NTNG1: variants seen among roughly 807,000 people sequenced by gnomAD.
NTNG1 encodes the protein netrin-G1.
NTNG1 carries 16 observed loss-of-function variants against 54.0 expected under a neutral mutation model. That is an observed-to-expected ratio of 0.30 (90% confidence interval 0.20 to 0.45). The LOEUF (loss-of-function observed/expected upper bound fraction) is 0.45, where lower values mean the gene tolerates loss of function less well. NTNG1 is among the 20% of genes least tolerant of loss of function. The probability of loss-of-function intolerance (pLI) is 1.00; values close to 1 mark genes in which losing one functional copy is unlikely to be tolerated. For missense variants in NTNG1, 530 were observed against 678.7 expected, an observed-to-expected ratio of 0.78 and a Z score of 2.43; for synonymous variants, 255 against 263.1, an observed-to-expected ratio of 0.97 and a Z score of 0.30.
At chr1:107,163,777 C>G (rs980140407) in intron 2 of NTNG1, among the ~76,000 whole-genome samples, 1 of 151,920 alleles carries the variant, frequency 6.6e-6, no homozygotes, top group Non-Finnish European at 1.5e-5. Context: ...TTTCTGAAAA[C>G]AAAGAAAGCT....
At chr1:107,209,669 C>T (rs1177537153) in intron 2 of NTNG1, among the ~76,000 whole-genome samples, 1 of 152,150 alleles carries the variant, frequency 6.6e-6, no homozygotes, top group East Asian at 1.9e-4. Context: ...AAGGTATTCC[C>T]CTAGAATTTT....
chr1:107,460,102 A>C (rs1259787497), intron 7 of NTNG1, among the ~76,000 whole-genome samples: 1 of 152,206 alleles, frequency 6.6e-6, no homozygotes, highest in Non-Finnish European at 1.5e-5. Flanking sequence ...TCTAGAAAAC[A>C]GTTCTCAGTG....
intron 3 of NTNG1, among the ~76,000 whole-genome samples, chr1:107,378,578 A>G (rs1238308608): frequency 6.6e-6 from 1 of 152,192 alleles, no homozygotes; most frequent in Non-Finnish European, 1.5e-5. Flanking sequence ...TGAGTTTGTT[A>G]AACCTGACTC....
intron 2 of NTNG1, among the ~76,000 whole-genome samples, chr1:107,191,992 G>A (rs997370734): frequency 3.9e-5 from 6 of 152,076 alleles, no homozygotes; most frequent in Admixed American, 1.3e-4. Context: ...GATGGGGATG[G>A]CATTGAATCA....
chr1:107,471,877 T>G (rs1395172484), intron 7 of NTNG1, among the ~76,000 whole-genome samples: 1 of 152,228 alleles, frequency 6.6e-6, no homozygotes, highest in African/African-American at 2.4e-5. Flanking sequence ...ATCCTGAGCT[T>G]CTAGCACTGG....
chr1:107,296,802 A>G (rs1046089591), intron 2 of NTNG1, among the ~76,000 whole-genome samples: 2 of 148,758 alleles, frequency 1.3e-5, no homozygotes, highest in East Asian at 3.9e-4. Context: ...TTAGACATCT[A>G]TTATATATAC....
intron 7 of NTNG1, among the ~76,000 whole-genome samples, chr1:107,447,030 T>G (rs558926816): frequency 1.3e-5 from 2 of 152,100 alleles, no homozygotes; most frequent in Non-Finnish European, 2.9e-5. Context: ...TTAACAATAT[T>G]CTTTCCCTTA....
At chr1:107,263,287 TCC>T in intron 2 of NTNG1, among the ~76,000 whole-genome samples, 1 of 125,094 alleles carries the variant, frequency 8.0e-6, no homozygotes. Context: ...CTTCCTTCCT[TCC>T]TTCCTTCCTT....
intron 6 of NTNG1, among the ~76,000 whole-genome samples, chr1:107,432,118 G>A (rs149206491): frequency 2.0e-5 from 3 of 152,238 alleles, no homozygotes; most frequent in Non-Finnish European, 4.4e-5. Context: ...GGACTTAGAG[G>A]CCAGAAAGCT....
intron 7 of NTNG1, among the ~76,000 whole-genome samples, chr1:107,478,737 T>G (rs1407282196): frequency 6.6e-6 from 1 of 152,252 alleles, no homozygotes; most frequent in Non-Finnish European, 1.5e-5. Flanking sequence ...AACAGTTATC[T>G]GGATCTGTTT....
chr1:107,331,788 A>G (rs1033275941), intron 3 of NTNG1, among the ~76,000 whole-genome samples: 25 of 152,014 alleles, frequency 1.6e-4, no homozygotes, highest in African/African-American at 5.8e-4. Flanking sequence ...TTCTGAAACT[A>G]TTTTGAATAA....
chr1:107,272,844 A>C (rs1236341718), intron 2 of NTNG1, among the ~76,000 whole-genome samples: 1 of 152,224 alleles, frequency 6.6e-6, no homozygotes, highest in Non-Finnish European at 1.5e-5. Flanking sequence ...ATCTTGGTCT[A>C]ACCATTAAGT....
At chr1:107,160,322 A>T (rs1655314351) in intron 2 of NTNG1, among the ~76,000 whole-genome samples, 2 of 152,116 alleles carry the variant, frequency 1.3e-5, no homozygotes, top group South Asian at 4.1e-4. Context: ...ATCCCTCACA[A>T]CATATATTAG....
At position 107,360,709 on chromosome 1, in the gene NTNG1, A is replaced by G. The variant is rs559264205; in HGVS notation, c.888-34445A>G. 7.2e-5 allele frequency among the ~76,000 whole-genome samples: 11 copies of G among 152,342 alleles called. No homozygotes were observed. In the South Asian group the frequency reaches 1.0e-3, roughly 14 times the overall value. The stretch of plus-strand genomic sequence containing the variant: ...TTATCAGTCTGCTTAGCAAATCAAT[A>G]TATTAGAAAGCATTTAAGTAGCAAC... On this transcript the variant is annotated intron_variant, in intron 3 of 7. Transcript: ENST00000370068.
intron 2 of NTNG1, among the ~76,000 whole-genome samples, chr1:107,204,076 T>C (rs910554898): frequency 3.3e-5 from 5 of 152,040 alleles, no homozygotes; most frequent in Non-Finnish European, 7.4e-5. Context: ...TGTATCTTTT[T>C]GAAAATCCTT....
intron 2 of NTNG1, among the ~76,000 whole-genome samples, chr1:107,254,646 A>G (rs1662815906): frequency 1.3e-5 from 2 of 152,250 alleles, no homozygotes; most frequent in South Asian, 4.1e-4. Flanking sequence ...AGGATTTATG[A>G]TAATAGGATT....
At chr1:107,411,837 T>C (rs974147221) in intron 5 of NTNG1, among the ~76,000 whole-genome samples, 3 of 152,192 alleles carry the variant, frequency 2.0e-5, no homozygotes, top group Non-Finnish European at 2.9e-5. Flanking sequence ...ACAGAACCAT[T>C]TCATATTTGT....
At chr1:107,252,935 A>C (rs756116675) in intron 2 of NTNG1, among the ~76,000 whole-genome samples, 14 of 152,204 alleles carry the variant, frequency 9.2e-5, no homozygotes, top group Admixed American at 5.2e-4. Context: ...GATGCCACAA[A>C]ATAGGCATGG....
intron 6 of NTNG1, among the ~76,000 whole-genome samples, chr1:107,433,628 T>C (rs998426995): frequency 6.6e-6 from 1 of 152,204 alleles, no homozygotes; most frequent in Non-Finnish European, 1.5e-5. Flanking sequence ...ATTGCCCTTT[T>C]CTAAAGAAGA....
Sources: gnomAD v4.1 joint callset for allele counts (sites outside exome capture counted in the v4.1 genomes callset) on GRCh38, gnomAD v4.1.1 for gene constraint, MANE v1.5 for transcripts, NCBI Gene and HGNC (gene_info 2026-07-23, HGNC 2026-07-21) for gene names.